Variants in LMX1A observed in about 807,000 individuals in gnomAD.
LMX1A encodes LIM homeobox transcription factor 1 alpha.
LMX1A carries 15 observed loss-of-function variants against 49.1 expected under a neutral mutation model. The ratio of observed to expected loss-of-function variants is 0.31; its 90% CI spans 0.20 to 0.47. LMX1A has a LOEUF of 0.47. LMX1A is among the 20% of genes least tolerant of loss of function. The pLI, the probability that LMX1A is intolerant of heterozygous loss-of-function variation, is 1.00. For synonymous variants in LMX1A, 167 were observed against 185.7 expected (o/e 0.90, Z 0.82); for missense variants, 372 against 475.8 (o/e 0.78, Z 2.03).
Position 165,202,193 on chromosome 1 carries a change from A to C in LMX1A, c.*1687T>G, listed in dbSNP as rs1474628386. On this transcript the variant is annotated 3_prime_UTR_variant, in exon 9 of 9. Transcript: ENST00000342310. ...CAATGATGTCCCCAGAAATGAGGCCAAGCCTATCCTGGCCCCTCCTGGATG... is the reference window on the plus strand; with the variant it reads ...CAATGATGTCCCCAGAAATGAGGCCCAGCCTATCCTGGCCCCTCCTGGATG... The C allele has an allele frequency of 6.6e-6, 1 of 152,580 alleles. No individual in the cohort carries two copies. Among genetic ancestry groups the C allele is most frequent in the Non-Finnish European group, 1.5e-5 (1 of 68,044 alleles). The allele number at this position is 152,580 out of a possible 1,614,324, so 9.5% of individuals were successfully genotyped here.
chr1:165,313,104 A>G (rs1379305005), intron 3 of LMX1A, among the ~76,000 whole-genome samples: 1 of 152,234 alleles, frequency 6.6e-6, no homozygotes, highest in Non-Finnish European at 1.5e-5. Context: ...ACTTATGCCA[A>G]TTGGAAACAA....
intron 4 of LMX1A, among the ~76,000 whole-genome samples, chr1:165,238,607 G>A (rs550848307): frequency 2.7e-4 from 41 of 152,124 alleles, no homozygotes; most frequent in Non-Finnish European, 5.4e-4. Context: ...GAACGCGTGT[G>A]TAAACTCAGT....
intron 3 of LMX1A, among the ~76,000 whole-genome samples, chr1:165,274,493 G>C (rs1354658221): frequency 1.3e-5 from 2 of 152,126 alleles, no homozygotes; most frequent in African/African-American, 2.4e-5. Flanking sequence ...TCGGTTTTGG[G>C]GCATAGAAGC....
Position 165,295,650 on chromosome 1 carries a change from G to T in LMX1A, c.264-46010C>A, listed in dbSNP as rs574595434. 1.6e-3 allele frequency among the ~76,000 whole-genome samples: 250 copies of T among 152,102 alleles called. 1 individual carries two copies. Among genetic ancestry groups the T allele is most frequent in the Admixed American group, 3.4e-3 (52 of 15,284 alleles). ...GGATGCTGATACATTCCACATACTT[G>T]TGTGTAAAAGTGGAGATACTTTTCT... On this transcript the variant is annotated intron_variant, in intron 3 of 8. Transcript: ENST00000342310.
intron 3 of LMX1A, among the ~76,000 whole-genome samples, chr1:165,314,303 C>A (rs1007459842): frequency 2.0e-5 from 3 of 152,338 alleles, no homozygotes; most frequent in African/African-American, 7.2e-5. Flanking sequence ...CTCCTGGAAC[C>A]AGCCTCTATG....
At chr1:165,299,294 A>T (rs2101722968) in intron 3 of LMX1A, among the ~76,000 whole-genome samples, 1 of 152,350 alleles carries the variant, frequency 6.6e-6, no homozygotes, top group South Asian at 2.1e-4. Context: ...AGGCTTCAAT[A>T]AGCAGCTAAA....
chr1:165,353,045 C>T, intron 3 of LMX1A, 31 bp downstream of exon 3: 1 of 1,609,308 alleles, frequency 6.2e-7, no homozygotes, highest in Non-Finnish European at 8.5e-7. Context: ...TGCCAGTGCG[C>T]GGGGAGCGCT....
chr1:165,222,553 T>C (rs940973006), intron 4 of LMX1A, among the ~76,000 whole-genome samples: 1 of 152,198 alleles, frequency 6.6e-6, no homozygotes, highest in African/African-American at 2.4e-5. Flanking sequence ...GTTAATTATC[T>C]CTCCAAATTG....
intron 3 of LMX1A, among the ~76,000 whole-genome samples, chr1:165,331,613 A>G (rs1224019112): frequency 5.3e-5 from 8 of 152,208 alleles, no homozygotes; most frequent in Non-Finnish European, 1.2e-4. Context: ...AGAAGTTTTC[A>G]AATCTAAAGA....
chr1:165,228,187 G>A (rs10918139), intron 4 of LMX1A, among the ~76,000 whole-genome samples: 6,059 of 151,946 alleles, frequency 0.04, 380 homozygotes, highest in African/African-American at 0.14. Flanking sequence ...GAAGTCAGTA[G>A]TGATGGATGT....
At chr1:165,259,124 TAGA>T (rs1653346245) in intron 3 of LMX1A, among the ~76,000 whole-genome samples, 1 of 152,208 alleles carries the variant, frequency 6.6e-6, no homozygotes, top group African/African-American at 2.4e-5. Context: ...GAGCCAAAAA[TAGA>T]ACTTTATATG....
At position 165,242,030 on chromosome 1, in the gene LMX1A, G is replaced by A. The variant is rs575299654; in HGVS notation, c.496+7378C>T. 7.2e-5 allele frequency among the ~76,000 whole-genome samples: 11 copies of A among 152,294 alleles called. No homozygotes were observed. In the South Asian group the frequency reaches 1.2e-3, roughly 17 times the overall value. Reference sequence around the variant, plus strand: ...TGTGAGGAATCTTCTTTCTGGCTTCGGTGAGAAGAAAAGTTACACTGGAAG... The same window carrying A: ...TGTGAGGAATCTTCTTTCTGGCTTCAGTGAGAAGAAAAGTTACACTGGAAG... On this transcript the variant is annotated intron_variant, in intron 4 of 8. Transcript: ENST00000342310.
chr1:165,280,583 T>A (rs1654115875), intron 3 of LMX1A, among the ~76,000 whole-genome samples: 1 of 152,238 alleles, frequency 6.6e-6, no homozygotes, highest in Non-Finnish European at 1.5e-5. Context: ...TTTGCGACCA[T>A]CACTGTTATT....
At chr1:165,327,847 T>C (rs543920580) in intron 3 of LMX1A, among the ~76,000 whole-genome samples, 30 of 152,330 alleles carry the variant, frequency 2.0e-4, no homozygotes, top group African/African-American at 7.2e-4. Flanking sequence ...GAAAGCAGCA[T>C]TGTGTCCATT....
chr1:165,306,058 T>C (rs551672078), intron 3 of LMX1A, among the ~76,000 whole-genome samples: 1 of 152,248 alleles, frequency 6.6e-6, no homozygotes, highest in South Asian at 2.1e-4. Context: ...AAAGTCAGCT[T>C]TCTCATTGCC....
intron 3 of LMX1A, among the ~76,000 whole-genome samples, chr1:165,269,791 G>A (rs747274479): frequency 1.1e-4 from 16 of 152,190 alleles, no homozygotes; most frequent in Non-Finnish European, 1.8e-4. Flanking sequence ...ACTGTTGCAG[G>A]AACAGAAAAC....
At chr1:165,273,433 C>T (rs917568306) in intron 3 of LMX1A, among the ~76,000 whole-genome samples, 1 of 152,168 alleles carries the variant, frequency 6.6e-6, no homozygotes, top group Non-Finnish European at 1.5e-5. Flanking sequence ...CCAATTCACA[C>T]AGGCAACTCA....
chr1:165,332,680 C>G (rs546435865), intron 3 of LMX1A, among the ~76,000 whole-genome samples: 1 of 152,110 alleles, frequency 6.6e-6, no homozygotes, highest in African/African-American at 2.4e-5. Context: ...ACACATCCAC[C>G]GTTGCTTATT....
chr1:165,221,527 G>A (rs776065165), intron 4 of LMX1A, among the ~76,000 whole-genome samples: 8 of 152,138 alleles, frequency 5.3e-5, no homozygotes, highest in African/African-American at 7.2e-5. Context: ...CCAGAGTCAG[G>A]CCGTAGGTAA....
Sources: gnomAD v4.1 joint callset for allele counts (sites outside exome capture counted in the v4.1 genomes callset) on GRCh38, gnomAD v4.1.1 for gene constraint, MANE v1.5 for transcripts, NCBI Gene and HGNC (gene_info 2026-07-23, HGNC 2026-07-21) for gene names.